Variants in SORCS3 observed in about 807,000 individuals in gnomAD.
SORCS3 encodes the protein VPS10 domain-containing receptor SorCS3.
In SORCS3, 57 loss-of-function variants were observed where a neutral mutation model predicts 146.3. That is an observed-to-expected ratio of 0.39 (90% CI 0.31 to 0.49). The LOEUF is 0.49. SORCS3 is among the 20% of genes least tolerant of loss of function. The pLI is 0.92. For synonymous variants in SORCS3, 653 were observed against 618.5 expected (o/e 1.06, Z -0.83); for missense variants, 1,341 against 1,575.5 (o/e 0.85, Z 2.52).
At chr10:104,652,569 C>G (rs2015576236) in intron 1 of SORCS3, among the ~76,000 whole-genome samples, 1 of 152,206 alleles carries the variant, frequency 6.6e-6, no homozygotes, top group South Asian at 2.1e-4. Context: ...CCAGATGCAG[C>G]TCTTGCCTTC....
intron 5 of SORCS3, among the ~76,000 whole-genome samples, chr10:105,078,184 T>A (rs1388855710): frequency 1.3e-5 from 2 of 152,226 alleles, no homozygotes; most frequent in Non-Finnish European, 2.9e-5. Context: ...ATGAAATCTG[T>A]TTCACCATAT....
chr10:105,211,338 A>G lies in SORCS3; in HGVS notation c.2375+88A>G, dbSNP rs964580284. On this transcript the variant is annotated intron_variant, in intron 17 of 26. Transcript: ENST00000369701. ...AGGAAATGCATTGCTATTGAATACAATGGAGTGAAGATGGAGTCTGTTTAT... is the reference window on the plus strand; with the variant it reads ...AGGAAATGCATTGCTATTGAATACAGTGGAGTGAAGATGGAGTCTGTTTAT... 3.7e-5 allele frequency: 33 copies of G among 883,320 alleles called. No homozygotes were observed. In the Middle Eastern group the frequency reaches 8.6e-4, roughly 23 times the overall value. The allele number at this position is 883,320 out of a possible 1,614,324, so 54.7% of individuals were successfully genotyped here.
chr10:104,840,334 A>C (rs918516848), intron 1 of SORCS3, among the ~76,000 whole-genome samples: 3 of 151,874 alleles, frequency 2.0e-5, no homozygotes, highest in African/African-American at 7.3e-5. Context: ...GTTAGTTTCT[A>C]CTCTTTCTAG....
intron 2 of SORCS3, among the ~76,000 whole-genome samples, chr10:104,875,084 A>T (rs375483378): frequency 3.2e-4 from 49 of 152,208 alleles, no homozygotes; most frequent in African/African-American, 1.2e-3. Context: ...ACTCTCCTCG[A>T]GTCACATGTC....
intron 4 of SORCS3, among the ~76,000 whole-genome samples, chr10:104,978,651 C>T (rs1469071897): frequency 1.3e-5 from 2 of 152,098 alleles, no homozygotes; most frequent in Non-Finnish European, 2.9e-5. Flanking sequence ...TTTCTGTTAC[C>T]ACTTCTAAAT....
intron 5 of SORCS3, among the ~76,000 whole-genome samples, chr10:105,059,510 A>G (rs1032434926): frequency 1.3e-5 from 2 of 152,154 alleles, no homozygotes; most frequent in Admixed American, 6.5e-5. Flanking sequence ...TCCATTGAAA[A>G]GACACTTTTG....
intron 1 of SORCS3, among the ~76,000 whole-genome samples, chr10:104,739,576 C>T (rs2016816499): frequency 6.6e-6 from 1 of 152,200 alleles, no homozygotes; most frequent in Admixed American, 6.5e-5. Context: ...GTCTACAACT[C>T]ATAGAGTAGG....
rs35535851 is a variant in SORCS3 at position 105,010,720 on chromosome 10, C to CTT, written c.955-32324_955-32323dup. ...AATCTTTCCATTGGAAGCATAGTTTCTTTTTTTTTTTTCTCTCTTTCAGTG... is the reference window on the plus strand; with the variant it reads ...AATCTTTCCATTGGAAGCATAGTTTCTTTTTTTTTTTTTTCTCTCTTTCAGTG... On this transcript the variant is annotated intron_variant, in intron 4 of 26. Transcript: ENST00000369701. Among the ~76,000 whole-genome samples the CTT allele has an allele frequency of 5.9e-4, 87 of 147,254 alleles. 1 individual carries two copies. Among genetic ancestry groups the CTT allele is most frequent in the Admixed American group, 1.2e-3 (18 of 14,846 alleles).
At chr10:105,072,659 CTTTTTTT>C (rs545305956) in intron 5 of SORCS3, among the ~76,000 whole-genome samples, 16 of 16,578 alleles carry the variant, frequency 9.7e-4, no homozygotes, top group African/African-American at 2.3e-3. Context: ...CTCTCTCTCT[CTTTTTTT>C]TTTTTTTTTT....
At chr10:104,991,048 C>T (rs1167242238) in intron 4 of SORCS3, among the ~76,000 whole-genome samples, 1 of 152,190 alleles carries the variant, frequency 6.6e-6, no homozygotes, top group Middle Eastern at 3.2e-3. Context: ...AAATCAACTG[C>T]TTGTCTCCAC....
chr10:104,653,083 A>C (rs1408350757), intron 1 of SORCS3, among the ~76,000 whole-genome samples: 1 of 152,240 alleles, frequency 6.6e-6, no homozygotes, highest in Non-Finnish European at 1.5e-5. Context: ...ATCTACTAGC[A>C]CAATAAGAAA....
At chr10:105,090,993 A>G (rs1458558094) in intron 6 of SORCS3, among the ~76,000 whole-genome samples, 1 of 152,150 alleles carries the variant, frequency 6.6e-6, no homozygotes, top group Non-Finnish European at 1.5e-5. Flanking sequence ...TATGTTTTAT[A>G]TGATTTATTT....
At chr10:104,683,509 G>C (rs1477382341) in intron 1 of SORCS3, among the ~76,000 whole-genome samples, 1 of 152,198 alleles carries the variant, frequency 6.6e-6, no homozygotes, top group African/African-American at 2.4e-5. Flanking sequence ...ATGAAGCCTT[G>C]AGTAAGAGAG....
Position 105,207,709 on chromosome 10 carries a change from G to A in SORCS3, c.2262-3428G>A, listed in dbSNP as rs191788856. Among the ~76,000 whole-genome samples, 15 of 152,280 alleles carry A rather than the reference G, an allele frequency of 9.9e-5. No homozygotes were observed. In the East Asian group the frequency reaches 2.9e-3, roughly 29 times the overall value. On this transcript the variant is annotated intron_variant, in intron 16 of 26. Coordinates refer to ENST00000369701, the MANE Select transcript of SORCS3 (RefSeq NM_014978.3). ...TGAAGAAGTCCACAGCTTGGAGGCA[G>A]CCAGTTTCCACTAGTGTTGTTAAAT...
At chr10:105,209,840 T>C (rs2056623648) in intron 16 of SORCS3, among the ~76,000 whole-genome samples, 1 of 152,096 alleles carries the variant, frequency 6.6e-6, no homozygotes, top group African/African-American at 2.4e-5. Flanking sequence ...TCGGAAGATA[T>C]TGTGTACGAT....
chr10:104,858,289 C>T (rs1354177957), intron 2 of SORCS3, among the ~76,000 whole-genome samples: 2 of 152,106 alleles, frequency 1.3e-5, no homozygotes, highest in African/African-American at 4.8e-5. Flanking sequence ...ACCCATATAT[C>T]TTTACATAAT....
At chr10:104,781,328 AC>A (rs1485740398) in intron 1 of SORCS3, among the ~76,000 whole-genome samples, 1 of 152,186 alleles carries the variant, frequency 6.6e-6, no homozygotes, top group Non-Finnish European at 1.5e-5. Flanking sequence ...GTCCCACCCC[AC>A]CACAGCTGCT....
intron 1 of SORCS3, among the ~76,000 whole-genome samples, chr10:104,738,020 T>C (rs373999186): frequency 7.2e-5 from 11 of 152,102 alleles, no homozygotes; most frequent in African/African-American, 2.7e-4. Context: ...CAGCACCATT[T>C]ATTAAATAGG....
At chr10:105,226,100 A>G (rs2056732480) in intron 20 of SORCS3, among the ~76,000 whole-genome samples, 1 of 151,742 alleles carries the variant, frequency 6.6e-6, no homozygotes, top group African/African-American at 2.4e-5. Flanking sequence ...TATATTGAAT[A>G]GGAGTGGTGA....
Sources: gnomAD v4.1 joint callset for allele counts (sites outside exome capture counted in the v4.1 genomes callset) on GRCh38, gnomAD v4.1.1 for gene constraint, MANE v1.5 for transcripts, NCBI Gene and HGNC (gene_info 2026-07-23, HGNC 2026-07-21) for gene names.